The following ANKRD35 variants were observed in gnomAD, a reference collection of about 807,000 sequenced individuals.
The protein encoded by ANKRD35 is ankyrin repeat domain-containing protein 35.
In ANKRD35, 102 loss-of-function variants were observed where a neutral mutation model predicts 109.9. That is an observed-to-expected ratio of 0.93 (90% CI 0.79 to 1.09). The LOEUF is 1.09. ANKRD35 is among the 50% of genes least tolerant of loss of function. The probability of loss-of-function intolerance (pLI) is 0.00; values close to 1 mark genes in which losing one functional copy is unlikely to be tolerated. For missense variants in ANKRD35, 1,240 were observed against 1,230.1 expected, an observed-to-expected ratio of 1.01 and a Z score of -0.12; for synonymous variants, 515 against 512.4, an observed-to-expected ratio of 1.01 and a Z score of -0.07.
chr1:145,876,770 C>T, intron 5 of ANKRD35, 46 bp downstream of exon 5: 1 of 1,613,520 alleles, frequency 6.2e-7, no homozygotes. Flanking sequence ...CCCTTTCCCA[C>T]CCTGTAGTCT....
intron 1 of ANKRD35, among the ~76,000 whole-genome samples, chr1:145,882,245 C>T (rs1553741251): frequency 3.3e-5 from 5 of 150,880 alleles, no homozygotes; most frequent in African/African-American, 1.2e-4. Context: ...TGAGCCACCG[C>T]GCCTGGCCCT....
chr1:145,872,684 G>T lies in ANKRD35; in HGVS notation c.2085C>A (p.Ala695=), dbSNP rs1553739046. The T allele has an allele frequency of 6.2e-7, 1 of 1,614,136 alleles. No individual in the cohort carries two copies. Among genetic ancestry groups the T allele is most frequent in the Admixed American group, 1.7e-5 (1 of 60,024 alleles). Residue 695 remains alanine (A), a synonymous_variant, in exon 10 of 14, where the codon GCC becomes GCA. Coordinates refer to ENST00000355594, the MANE Select transcript of ANKRD35 (RefSeq NM_144698.5). ...EATEKLRKLL[A]SQSSGLRGLW... ...GCCCTCGGAGACCGCTGCTCTGGGA[G>T]GCCAGGAGCTTCCGCAGCTTCTCTG...
At position 145,873,756 on chromosome 1, in the gene ANKRD35, C is replaced by T. The variant is rs141824672; in HGVS notation, c.1013G>A (p.Arg338Gln). The stretch of plus-strand genomic sequence containing the variant: ...GACCCCTAGCTCCTGCGCCTGCTCT[C>T]GAATCTGGTTCTCAAGGTCCAGATA... ...AAYLDLENQI[R>Q]EQAQELGVLL... Residue 338 changes from arginine (R) to glutamine (Q), a missense_variant, in exon 10 of 14, where the codon CGA becomes CAA. Coordinates refer to ENST00000355594, the MANE Select transcript of ANKRD35 (RefSeq NM_144698.5). 22 of 1,612,720 alleles carry T rather than the reference C, an allele frequency of 1.4e-5. No individual in the cohort carries two copies. Among genetic ancestry groups the T allele is most frequent in the Admixed American group, 6.7e-5 (4 of 59,682 alleles).
At chr1:145,880,300 A>G (rs1654241320) in intron 1 of ANKRD35, among the ~76,000 whole-genome samples, 1 of 152,238 alleles carries the variant, frequency 6.6e-6, no homozygotes, top group African/African-American at 2.4e-5. Context: ...GGTTTTGTCC[A>G]GAGAAGGGAA....
chr1:145,875,577 G>A (rs1408649325), intron 7 of ANKRD35, among the ~76,000 whole-genome samples: 2 of 148,726 alleles, frequency 1.3e-5, no homozygotes, highest in Non-Finnish European at 1.5e-5. Flanking sequence ...ACGGAGTCTC[G>A]CTCCTCTCTC....
At position 145,874,837 on chromosome 1, in the gene ANKRD35, G is replaced by A. The variant is rs757009603; in HGVS notation, c.730C>T (p.Arg244Trp). The A allele has an allele frequency of 2.2e-5, 35 of 1,590,892 alleles. No homozygotes were observed. The East Asian group carries it at 6.6e-4, about 30-fold the overall frequency. ...GGGCCTTTACCGCCCCGCCGCCGCC[G>A]GCTCAGGGCCTGCTGTAGGTGCCTC... is the stretch of plus-strand genomic sequence containing the variant. ...LWRHLQQALS[R>W]RRRGGQRLVQ... The change falls in exon 8 of 14, where the codon CGG becomes TGG. Residue 244 changes from arginine (R) to tryptophan (W), a missense_variant. By Grantham distance (101) the Arg-to-Trp change is moderately radical. Coordinates refer to ENST00000355594, the MANE Select transcript of ANKRD35 (RefSeq NM_144698.5).
chr1:145,869,990 C>G (rs1334321759), intron 10 of ANKRD35, among the ~76,000 whole-genome samples: 1 of 151,362 alleles, frequency 6.6e-6, no homozygotes, highest in Non-Finnish European at 1.5e-5. Context: ...GGCAGAGGCA[C>G]AAATGCAGTT....
In ANKRD35 at chr1:145,876,641, T is replaced by C. The variant is rs1010414834; in HGVS notation, c.383-2A>G. The C allele has an allele frequency of 1.9e-6, 3 of 1,614,092 alleles. No homozygotes were observed. The highest frequency in any genetic ancestry group is 1.7e-6 in the Non-Finnish European group (2 of 1,180,014). On this transcript the variant is annotated splice_acceptor_variant, in intron 5 of 13. Transcript: ENST00000355594. LOFTEE classifies it high-confidence loss of function. ...CACTTGAGGCACAGCCAGAGGAGGC[T>C]GGGGAGAAGATGTTTGGGTTAAGGG...
intron 7 of ANKRD35, among the ~76,000 whole-genome samples, chr1:145,875,706 G>T (rs1310990315): frequency 6.6e-6 from 1 of 151,956 alleles, no homozygotes. Flanking sequence ...CCACCACCAT[G>T]CCTGACCAAT....
intron 7 of ANKRD35, among the ~76,000 whole-genome samples, chr1:145,875,277 C>G (rs1202074017): frequency 1.3e-5 from 2 of 151,796 alleles, no homozygotes; most frequent in Non-Finnish European, 2.9e-5. Context: ...TCCCGAGTAG[C>G]TGGGATTACA....
Position 145,878,333 on chromosome 1 carries a change from G to A in ANKRD35, c.259+58C>T, listed in dbSNP as rs974524801. On this transcript the variant is annotated intron_variant, in intron 3 of 13. Coordinates refer to ENST00000355594, the MANE Select transcript of ANKRD35 (RefSeq NM_144698.5). ...TCCAGCAGGGCCCAGCACCGCCCCC[G>A]ACTGCTGCTGTACCAGGGGCAAGCA... 68 of 1,512,054 alleles carry A rather than the reference G, an allele frequency of 4.5e-5. 1 individual carries two copies. In the East Asian group the frequency reaches 4.7e-4, roughly 10 times the overall value. 93.7% of individuals were successfully genotyped at this position (1,512,054 alleles called of 1,614,324 possible).
In ANKRD35 at chr1:145,873,833, C is replaced by T. The variant is rs1478141985; in HGVS notation, c.936G>A (p.Leu312=). ...CTGTCTTTTGCACCAGCTCCTGCTC[C>T]AGCCGAACAACTTTCCTCCGCTCCT... The part of the protein sequence containing the change: ...YEEERRKVVR[L]EQELVQKTEE... Residue 312 remains leucine, a synonymous_variant, in exon 10 of 14, where the codon CTG becomes CTA. Coordinates refer to ENST00000355594, the MANE Select transcript of ANKRD35 (RefSeq NM_144698.5). The T allele has an allele frequency of 2.5e-6, 4 of 1,611,198 alleles. No homozygotes were observed. Among genetic ancestry groups the T allele is most frequent in the Non-Finnish European group, 3.4e-6 (4 of 1,178,666 alleles).
intron 11 of ANKRD35, 98 bp from the exon 12 acceptor site, chr1:145,868,154 G>C: frequency 1.4e-6 from 2 of 1,475,630 alleles, no homozygotes; most frequent in African/African-American, 1.4e-5. Flanking sequence ...AGGTGGGCTC[G>C]TTGGCCCATC....
chr1:145,874,122 A>G, intron 9 of ANKRD35, 33 bp downstream of exon 9: 1 of 1,614,006 alleles, frequency 6.2e-7, no homozygotes, highest in Non-Finnish European at 8.5e-7. Context: ...GGGGTGTGTC[A>G]AAAGCAAAAG....
Position 145,878,025 on chromosome 1 carries a change from A to C in ANKRD35, c.267T>G (p.Thr89=), listed in dbSNP as rs782718412. Residue 89 remains threonine, a synonymous_variant, in exon 4 of 14, where the codon ACT becomes ACG. Coordinates refer to ENST00000355594, the MANE Select transcript of ANKRD35 (RefSeq NM_144698.5). Reference sequence around the variant, plus strand: ...AGGAGATGGTGGCCAAGTGTAGGGCAGTGCTTCCTGGAACAGAAAGAAGGG... The same window carrying C: ...AGGAGATGGTGGCCAAGTGTAGGGCCGTGCTTCCTGGAACAGAAAGAAGGG... ...DINSKNEDGS[T]ALHLATISCQ... 9.9e-6 allele frequency: 16 copies of C among 1,613,946 alleles called. No individual in the cohort carries two copies. The Admixed American group carries it at 2.7e-4, about 27-fold the overall frequency.
rs200164348 is a variant in ANKRD35, at chr1:145,885,747, G to A, written c.12C>T (p.Ile4=). 3 of 1,614,118 alleles carry A rather than the reference G, an allele frequency of 1.9e-6. No individual in the cohort carries two copies. The highest frequency in any genetic ancestry group is 2.2e-5 in the South Asian group (2 of 91,070). MKR[I]FSCSSTQVAV... is the part of the protein sequence containing the mutation. ...CCACCTGTGTGCTGGAGCAGGAGAA[G>A]ATACGCTTCATGGCCGGGGTCGGGG... is the stretch of plus-strand genomic sequence containing the variant. The change falls in exon 1 of 14, where the codon ATC becomes ATT. Residue 4 remains isoleucine, a synonymous_variant. Transcript: ENST00000355594.
At chr1:145,880,505 T>A (rs1654247487) in intron 1 of ANKRD35, among the ~76,000 whole-genome samples, 1 of 152,242 alleles carries the variant, frequency 6.6e-6, no homozygotes, top group Non-Finnish European at 1.5e-5. Flanking sequence ...CTCATCATGC[T>A]GTGACTATTA....
intron 1 of ANKRD35, among the ~76,000 whole-genome samples, chr1:145,885,336 G>A (rs1243099348): frequency 6.6e-6 from 1 of 152,112 alleles, no homozygotes; most frequent in Admixed American, 6.5e-5. Context: ...TGGTGGTGTA[G>A]AATGGAGCTT....
At position 145,873,803 on chromosome 1, in the gene ANKRD35, CTCT is replaced by C; in HGVS notation, c.963_965del (p.Glu322del). 1.2e-6 allele frequency: 2 copies of C among 1,608,958 alleles called. No homozygotes were observed. Among genetic ancestry groups the C allele is most frequent in the Non-Finnish European group, 1.7e-6 (2 of 1,177,446 alleles). On this transcript the variant is annotated inframe_deletion, in exon 10 of 14. Coordinates refer to ENST00000355594, the MANE Select transcript of ANKRD35 (RefSeq NM_144698.5). ...GATAGGCTGCAGCTTGAGTCTTACACTCTTCTGTCTTTTGCACCAGCTCCTGCT... is the reference window on the plus strand; with the variant it reads ...GATAGGCTGCAGCTTGAGTCTTACACTCTGTCTTTTGCACCAGCTCCTGCT...
Sources: allele counts gnomAD v4.1 joint callset (sites outside exome capture counted in the v4.1 genomes callset), GRCh38; gene constraint gnomAD v4.1.1; transcripts MANE v1.5; gene names NCBI Gene and HGNC (gene_info 2026-07-23, HGNC 2026-07-21).